Variants in LRMDA observed in about 807,000 individuals in gnomAD.
LRMDA encodes leucine rich melanocyte differentiation associated.
Under a neutral mutation model 29.8 loss-of-function variants are expected in LRMDA, and 18 were observed. That is an observed-to-expected ratio of 0.60 (90% CI 0.42 to 0.90). LRMDA has a LOEUF of 0.90. LRMDA is among the 40% of genes least tolerant of loss of function. The probability of loss-of-function intolerance (pLI) is 0.00; values close to 1 mark genes in which losing one functional copy is unlikely to be tolerated. For missense variants in LRMDA, 273 were observed against 273.9 expected (o/e 1.00, Z 0.02); for synonymous variants, 125 against 109.4 (o/e 1.14, Z -0.89).
At position 76,541,202 on chromosome 10, in the gene LRMDA, C is replaced by G. The variant is rs549419971; in HGVS notation, c.602-16007C>G. On this transcript the variant is annotated intron_variant, in intron 6 of 6. Coordinates refer to ENST00000611255, the MANE Select transcript of LRMDA (RefSeq NM_001305581.2). ...CTGCTAGGAGGCAACCTCTAGTGCC[C>G]TAATAGAGAAGGGTGAAGCCGGGAA... 4.9e-4 allele frequency among the ~76,000 whole-genome samples: 75 copies of G among 152,246 alleles called. 1 individual carries two copies. Among genetic ancestry groups the G allele is most frequent in the African/African-American group, 1.7e-3 (71 of 41,548 alleles).
chr10:76,515,479 GTAGAT>G (rs1443401713), intron 6 of LRMDA, among the ~76,000 whole-genome samples: 2 of 152,004 alleles, frequency 1.3e-5, no homozygotes, highest in Non-Finnish European at 2.9e-5. Flanking sequence ...AGAAAGTATG[GTAGAT>G]TAGACACTCT....
intron 2 of LRMDA, among the ~76,000 whole-genome samples, chr10:76,032,728 C>A (rs988923468): frequency 6.6e-6 from 1 of 152,056 alleles, no homozygotes; most frequent in Non-Finnish European, 1.5e-5. Flanking sequence ...ATTAGGTTTC[C>A]AGAACAATCC....
At chr10:75,455,866 G>A (rs191450963) in intron 2 of LRMDA, among the ~76,000 whole-genome samples, 6 of 152,284 alleles carry the variant, frequency 3.9e-5, no homozygotes, top group South Asian at 2.1e-4. Context: ...TTAAGACTTC[G>A]GAGCCTGTAC....
At chr10:76,308,470 A>T (rs2579784) in intron 5 of LRMDA, among the ~76,000 whole-genome samples, 1 of 152,000 alleles carries the variant, frequency 6.6e-6, no homozygotes, top group Non-Finnish European at 1.5e-5. Flanking sequence ...TTCCCCTCCC[A>T]AGACTACTTC....
intron 2 of LRMDA, among the ~76,000 whole-genome samples, chr10:75,559,172 T>C (rs1467052732): frequency 6.6e-6 from 1 of 152,236 alleles, no homozygotes; most frequent in Non-Finnish European, 1.5e-5. Flanking sequence ...TTCCTATTTC[T>C]CTACATCCTT....
At chr10:76,296,896 C>A (rs1213219875) in intron 5 of LRMDA, among the ~76,000 whole-genome samples, 2 of 152,186 alleles carry the variant, frequency 1.3e-5, no homozygotes, top group Non-Finnish European at 2.9e-5. Context: ...TGCTTTCTAG[C>A]ACATAGCAGG....
chr10:76,197,387 C>T (rs1166073413), intron 5 of LRMDA, among the ~76,000 whole-genome samples: 2 of 152,072 alleles, frequency 1.3e-5, no homozygotes, highest in Non-Finnish European at 2.9e-5. Flanking sequence ...ATTTCATTTT[C>T]AGCAGTCATG....
chr10:75,674,387 C>T (rs1439087185), intron 2 of LRMDA, among the ~76,000 whole-genome samples: 1 of 152,048 alleles, frequency 6.6e-6, no homozygotes, highest in Non-Finnish European at 1.5e-5. Context: ...GTAGAAAGAG[C>T]ATGTTTGAAA....
intron 2 of LRMDA, among the ~76,000 whole-genome samples, chr10:76,004,287 T>C (rs776119746): frequency 3.9e-5 from 6 of 152,258 alleles, no homozygotes; most frequent in Non-Finnish European, 8.8e-5. Flanking sequence ...AGTCCGAACT[T>C]AGATTTTCAC....
intron 5 of LRMDA, among the ~76,000 whole-genome samples, chr10:76,303,055 G>A (rs922781683): frequency 6.6e-6 from 1 of 152,150 alleles, no homozygotes; most frequent in African/African-American, 2.4e-5. Context: ...GTTGTAGGCC[G>A]ATGCTTAGCA....
intron 5 of LRMDA, among the ~76,000 whole-genome samples, chr10:76,061,807 T>C (rs1848705081): frequency 6.6e-6 from 1 of 152,160 alleles, no homozygotes; most frequent in Non-Finnish European, 1.5e-5. Context: ...TTCTTCTGTG[T>C]TCTTGGTTTC....
chr10:75,600,318 G>T (rs7092767), intron 2 of LRMDA, among the ~76,000 whole-genome samples: 9 of 152,058 alleles, frequency 5.9e-5, no homozygotes, highest in African/African-American at 1.9e-4. Context: ...TCCCCATTTC[G>T]CTTGCCTTGG....
intron 6 of LRMDA, among the ~76,000 whole-genome samples, chr10:76,408,295 C>T (rs964599279): frequency 3.3e-5 from 5 of 152,106 alleles, no homozygotes; most frequent in African/African-American, 4.8e-5. Flanking sequence ...TGGTGGAGCC[C>T]AAGTAGAACT....
chr10:76,524,340 C>T lies in LRMDA; in HGVS notation c.602-32869C>T, dbSNP rs924647159. Among the ~76,000 whole-genome samples, 6 of 152,102 alleles carry T rather than the reference C, an allele frequency of 3.9e-5. No individual in the cohort carries two copies. In the South Asian group the frequency reaches 1.0e-3, roughly 26 times the overall value. On this transcript the variant is annotated intron_variant, in intron 6 of 6. Coordinates refer to ENST00000611255, the MANE Select transcript of LRMDA (RefSeq NM_001305581.2). Reference sequence around the variant, plus strand: ...ACGGAGACAAAGCGAGGATGGGAGCCGTTTGGAGACGTGGTGCAGCGCTTA... The same window carrying T: ...ACGGAGACAAAGCGAGGATGGGAGCTGTTTGGAGACGTGGTGCAGCGCTTA...
chr10:76,219,995 A>C (rs1365033657), intron 5 of LRMDA, among the ~76,000 whole-genome samples: 2 of 152,252 alleles, frequency 1.3e-5, no homozygotes, highest in Admixed American at 1.3e-4. Context: ...ATGGAAACTG[A>C]ACAACCTGCT....
chr10:76,053,735 C>A (rs1397484065), intron 4 of LRMDA, among the ~76,000 whole-genome samples: 1 of 152,144 alleles, frequency 6.6e-6, no homozygotes, highest in African/African-American at 2.4e-5. Flanking sequence ...GCACTGCAGG[C>A]ATTGGGGCAG....
chr10:75,643,339 C>A (rs1463985780), intron 2 of LRMDA, among the ~76,000 whole-genome samples: 1 of 152,140 alleles, frequency 6.6e-6, no homozygotes, highest in Admixed American at 6.5e-5. Flanking sequence ...TTCTTTAAAT[C>A]TCAGTTCCTC....
At chr10:76,019,135 G>A (rs1458644158) in intron 2 of LRMDA, among the ~76,000 whole-genome samples, 1 of 152,026 alleles carries the variant, frequency 6.6e-6, no homozygotes, top group East Asian at 1.9e-4. Flanking sequence ...TCTTACCCTC[G>A]GGCCGGGTGC....
intron 5 of LRMDA, among the ~76,000 whole-genome samples, chr10:76,278,701 C>T (rs969107204): frequency 6.6e-6 from 1 of 152,202 alleles, no homozygotes. Flanking sequence ...AATCCTGACT[C>T]TAATTTCACA....
Sources: allele counts gnomAD v4.1 joint callset (sites outside exome capture counted in the v4.1 genomes callset), GRCh38; gene constraint gnomAD v4.1.1; transcripts MANE v1.5; gene names NCBI Gene and HGNC (gene_info 2026-07-23, HGNC 2026-07-21).